The following PDE10A variants were observed in gnomAD, a reference collection of about 807,000 sequenced individuals.
PDE10A encodes cAMP and cAMP-inhibited cGMP 3',5'-cyclic phosphodiesterase 10A.
In PDE10A, 39 loss-of-function variants were observed where a neutral mutation model predicts 97.7. The observed-to-expected ratio is 0.40, with a 90% confidence interval of 0.31 to 0.52. The LOEUF (loss-of-function observed/expected upper bound fraction) is 0.52. Ranked by LOEUF, PDE10A falls within the 20% of genes least tolerant of loss-of-function variation. The probability of loss-of-function intolerance (pLI) is 0.56; values close to 1 mark genes in which losing one functional copy is unlikely to be tolerated. For missense variants in PDE10A, 731 were observed against 1,047.8 expected (o/e 0.70, Z 4.17); for synonymous variants, 371 against 376.8 (o/e 0.98, Z 0.18).
chr6:165,338,137 G>A (rs1781757966), intron 20 of PDE10A, among the ~76,000 whole-genome samples: 1 of 152,142 alleles, frequency 6.6e-6, no homozygotes, highest in South Asian at 2.1e-4. Flanking sequence ...TAATCAAGAG[G>A]GAAAAGTGAC....
intron 1 of PDE10A, among the ~76,000 whole-genome samples, chr6:165,825,287 G>A (rs1387473607): frequency 6.6e-6 from 1 of 152,120 alleles, no homozygotes; most frequent in Non-Finnish European, 1.5e-5. Flanking sequence ...GTGTCTGGAT[G>A]AGGAAGCCGA....
chr6:165,908,556 C>T (rs371559450), intron 1 of PDE10A, among the ~76,000 whole-genome samples: 6 of 152,282 alleles, frequency 3.9e-5, no homozygotes, highest in African/African-American at 9.6e-5. Flanking sequence ...CTTGAATGCA[C>T]GGGCTGCATG....
intron 1 of PDE10A, among the ~76,000 whole-genome samples, chr6:165,930,573 C>A (rs963634975): frequency 1.1e-4 from 16 of 152,158 alleles, no homozygotes; most frequent in African/African-American, 3.9e-4. Context: ...GTTTTGTTTT[C>A]TTCAAAAGAT....
At chr6:165,339,976 A>G (rs1197274018) in intron 19 of PDE10A, among the ~76,000 whole-genome samples, 2 of 152,300 alleles carry the variant, frequency 1.3e-5, no homozygotes, top group South Asian at 2.1e-4. Flanking sequence ...AATAGTTACT[A>G]AAGATTCACT....
intron 3 of PDE10A, among the ~76,000 whole-genome samples, chr6:165,466,442 T>C (rs563691698): frequency 1.3e-5 from 2 of 152,328 alleles, no homozygotes; most frequent in African/African-American, 4.8e-5. Context: ...TTTCTGAATG[T>C]CAGCACAGGC....
chr6:165,776,079 T>C (rs987388325), intron 1 of PDE10A, among the ~76,000 whole-genome samples: 1 of 152,210 alleles, frequency 6.6e-6, no homozygotes, highest in Non-Finnish European at 1.5e-5. Context: ...TTATTTATTA[T>C]TTTCAAACAT....
chr6:165,958,845 C>T (rs950796316), intron 1 of PDE10A, among the ~76,000 whole-genome samples: 1 of 152,136 alleles, frequency 6.6e-6, no homozygotes, highest in Admixed American at 6.5e-5. Flanking sequence ...TATTCCACAC[C>T]CTCCGGCAGT....
chr6:165,602,040 G>A (rs1197203077), intron 1 of PDE10A, among the ~76,000 whole-genome samples: 1 of 152,142 alleles, frequency 6.6e-6, no homozygotes, highest in African/African-American at 2.4e-5. Context: ...TTGTCCTTGG[G>A]TCAGTCTTTT....
chr6:165,372,549 C>T (rs931643006), intron 18 of PDE10A, among the ~76,000 whole-genome samples: 26 of 147,232 alleles, frequency 1.8e-4, no homozygotes, highest in Non-Finnish European at 2.4e-4. Flanking sequence ...TCAAGGAGAA[C>T]GACAAACCAC....
At chr6:165,699,189 G>A (rs1791510447) in intron 1 of PDE10A, among the ~76,000 whole-genome samples, 1 of 152,074 alleles carries the variant, frequency 6.6e-6, no homozygotes, top group Admixed American at 6.6e-5. Flanking sequence ...AAGGTGAAGT[G>A]GCTGGATTAA....
chr6:165,733,270 T>A (rs1792484772), intron 1 of PDE10A, among the ~76,000 whole-genome samples: 1 of 152,336 alleles, frequency 6.6e-6, no homozygotes, highest in South Asian at 2.1e-4. Flanking sequence ...CTGAAGAATA[T>A]CTGCAGCAGG....
intron 1 of PDE10A, chr6:165,576,342 C>A: frequency 1.3e-6 from 1 of 775,976 alleles, no homozygotes; most frequent in South Asian, 1.4e-5. Flanking sequence ...CTATAGAGTA[C>A]TAGTTTGCTT....
At chr6:165,860,764 A>C (rs963340006) in intron 1 of PDE10A, among the ~76,000 whole-genome samples, 5 of 152,208 alleles carry the variant, frequency 3.3e-5, no homozygotes, top group African/African-American at 1.2e-4. Flanking sequence ...GAGGCTCCCT[A>C]ATCAGGATGG....
intron 1 of PDE10A, among the ~76,000 whole-genome samples, chr6:165,622,601 T>C (rs573888346): frequency 6.6e-6 from 1 of 152,324 alleles, no homozygotes; most frequent in South Asian, 2.1e-4. Flanking sequence ...ATCATATATG[T>C]GGGTCTGTTG....
At chr6:165,718,869 C>T (rs773115297) in intron 1 of PDE10A, among the ~76,000 whole-genome samples, 1 of 151,628 alleles carries the variant, frequency 6.6e-6, no homozygotes, top group Non-Finnish European at 1.5e-5. Flanking sequence ...AAATAATAAA[C>T]AGTAAAAGGA....
intron 19 of PDE10A, among the ~76,000 whole-genome samples, chr6:165,339,801 G>A (rs1186157339): frequency 6.6e-6 from 1 of 152,168 alleles, no homozygotes; most frequent in Non-Finnish European, 1.5e-5. Context: ...ACTAAAATGT[G>A]CTAGTAAAGA....
chr6:165,826,241 G>A (rs1779740534), intron 1 of PDE10A, among the ~76,000 whole-genome samples: 1 of 152,116 alleles, frequency 6.6e-6, no homozygotes, highest in South Asian at 2.1e-4. Context: ...CATAATTGAG[G>A]GCAGTGGCAG....
chr6:165,433,155 A>T, intron 6 of PDE10A, 26 bp from the exon 7 acceptor site: 1 of 1,576,254 alleles, frequency 6.3e-7, no homozygotes, highest in Non-Finnish European at 8.7e-7. Flanking sequence ...ACAAAAAGAC[A>T]TAAATTCAGT....
In PDE10A at chr6:165,415,049, A is replaced by G. The variant is rs140489320; in HGVS notation, c.1889+1140T>C. On this transcript the variant is annotated intron_variant, in intron 12 of 21. Coordinates refer to ENST00000539869, the MANE Select transcript of PDE10A (RefSeq NM_001385079.1). ...ATTGTTATGCTGGAAGAGTTTTTAT[A>G]TATTAGATATAAGTATTTTGTCAGA... is the stretch of plus-strand genomic sequence containing the variant. Among the ~76,000 whole-genome samples, 654 of 152,286 alleles carry G rather than the reference A, an allele frequency of 4.3e-3. 8 individuals are homozygous for G. Among genetic ancestry groups the G allele is most frequent in the African/African-American group, 0.015 (628 of 41,556 alleles).
Sources: gnomAD v4.1 joint callset for allele counts (sites outside exome capture counted in the v4.1 genomes callset) on GRCh38, gnomAD v4.1.1 for gene constraint, MANE v1.5 for transcripts, NCBI Gene and HGNC (gene_info 2026-07-23, HGNC 2026-07-21) for gene names.